Variants in DACH1 observed in about 807,000 individuals in gnomAD.
The protein encoded by DACH1 is dachshund family transcription factor 1.
DACH1 carries 12 observed loss-of-function variants against 54.2 expected under a neutral mutation model. The observed-to-expected ratio is 0.22, with a 90% CI of 0.14 to 0.36. The LOEUF is 0.36. DACH1 is among the 10% of genes least tolerant of loss of function. The pLI is 1.00. For synonymous variants in DACH1, 386 were observed against 366.2 expected (o/e 1.05, Z -0.62); for missense variants, 805 against 929.8 (o/e 0.87, Z 1.75).
Position 71,866,928 on chromosome 13 carries a change from A to C in DACH1, c.-159T>G, listed in dbSNP as rs927246591. ...GAGAAAGGGAGAGAAGGGGGAGAAA[A>C]GGAGGTGAAGGTAATAAAGAGCGAG... On this transcript the variant is annotated 5_prime_UTR_variant, in exon 1 of 11. Transcript: ENST00000613252. 2 of 549,264 alleles carry C rather than the reference A, an allele frequency of 3.6e-6. No homozygotes were observed. The highest frequency in any genetic ancestry group is 8.8e-5 in the Admixed American group (2 of 22,790). The allele number at this position is 549,264 out of a possible 1,614,324, so 34.0% of individuals were successfully genotyped here. A position where few individuals can be genotyped will look rare whatever the true frequency, so the allele number is the denominator to read the frequency against.
At chr13:71,677,114 G>A (rs1340716637) in intron 2 of DACH1, among the ~76,000 whole-genome samples, 2 of 148,890 alleles carry the variant, frequency 1.3e-5, no homozygotes, top group African/African-American at 2.6e-5. Flanking sequence ...TTGCATTCCT[G>A]GACAAGAGGG....
intron 2 of DACH1, among the ~76,000 whole-genome samples, chr13:71,667,594 A>T (rs1879925603): frequency 6.6e-6 from 1 of 152,228 alleles, no homozygotes; most frequent in South Asian, 2.1e-4. Flanking sequence ...TAGATGATTG[A>T]TGTGGAACTC....
chr13:71,756,961 G>A (rs957719076), intron 1 of DACH1, among the ~76,000 whole-genome samples: 5 of 152,084 alleles, frequency 3.3e-5, no homozygotes, highest in Admixed American at 1.3e-4. Flanking sequence ...GATGGCTCAC[G>A]TAACAAATTT....
At chr13:71,763,219 T>C (rs1299417426) in intron 1 of DACH1, among the ~76,000 whole-genome samples, 1 of 152,252 alleles carries the variant, frequency 6.6e-6, no homozygotes, top group Non-Finnish European at 1.5e-5. Flanking sequence ...TTGCAGATTA[T>C]AAAACTGAGG....
chr13:71,493,688 T>C (rs1017480317), intron 6 of DACH1, among the ~76,000 whole-genome samples: 28 of 152,162 alleles, frequency 1.8e-4, no homozygotes, highest in Non-Finnish European at 3.5e-4. Context: ...TCAGGTTAAA[T>C]GAGACAAATG....
intron 6 of DACH1, among the ~76,000 whole-genome samples, chr13:71,508,860 G>T (rs1032166419): frequency 1.3e-5 from 2 of 152,030 alleles, no homozygotes; most frequent in African/African-American, 4.8e-5. Flanking sequence ...AAAAAACTTA[G>T]TTTCCCCAAA....
intron 7 of DACH1, among the ~76,000 whole-genome samples, chr13:71,485,463 A>G (rs1442055070): frequency 3.3e-5 from 5 of 149,710 alleles, no homozygotes; most frequent in Non-Finnish European, 7.4e-5. Flanking sequence ...TATAAATTTT[A>G]TAAATTTCTA....
chr13:71,775,169 G>A (rs950709449), intron 1 of DACH1, among the ~76,000 whole-genome samples: 2 of 107,036 alleles, frequency 1.9e-5, no homozygotes, highest in Admixed American at 1.2e-4. Flanking sequence ...AAATTAGCTA[G>A]GTGCTCGCCT....
intron 3 of DACH1, among the ~76,000 whole-genome samples, chr13:71,608,342 C>A (rs117246793): frequency 6.6e-6 from 1 of 151,830 alleles, no homozygotes; most frequent in Admixed American, 6.6e-5. Flanking sequence ...GTTATTATGT[C>A]CATCATGTAC....
chr13:71,552,519 G>GA (rs1463208095), intron 6 of DACH1, among the ~76,000 whole-genome samples: 2 of 151,566 alleles, frequency 1.3e-5, no homozygotes, highest in Non-Finnish European at 1.5e-5. Context: ...AGCAATTTAA[G>GA]AAAAACCAAA....
intron 3 of DACH1, among the ~76,000 whole-genome samples, chr13:71,599,168 C>G (rs1021684905): frequency 1.3e-5 from 2 of 152,070 alleles, no homozygotes; most frequent in African/African-American, 4.8e-5. Context: ...GACATTTGAG[C>G]ATTCATCTAA....
At chr13:71,670,512 G>A in intron 2 of DACH1, among the ~76,000 whole-genome samples, 1 of 152,012 alleles carries the variant, frequency 6.6e-6, no homozygotes, top group Non-Finnish European at 1.5e-5. Context: ...AGAGTTCAGT[G>A]TCATTAAGTC....
chr13:71,600,744 T>G (rs2138489510), intron 3 of DACH1, among the ~76,000 whole-genome samples: 1 of 152,166 alleles, frequency 6.6e-6, no homozygotes, highest in African/African-American at 2.4e-5. Flanking sequence ...AATGGACATG[T>G]GATAACTAAT....
At chr13:71,475,069 G>C in intron 10 of DACH1, 72 bp downstream of exon 10, 1 of 1,382,506 alleles carries the variant, frequency 7.2e-7, no homozygotes, top group Admixed American at 1.7e-5. Flanking sequence ...CTACATGCTT[G>C]AATAGCAGGC....
chr13:71,507,684 C>T (rs1880443491), intron 6 of DACH1, among the ~76,000 whole-genome samples: 1 of 152,062 alleles, frequency 6.6e-6, no homozygotes, highest in Non-Finnish European at 1.5e-5. Flanking sequence ...GGACTGACTA[C>T]CTGGAAGAGA....
At chr13:71,762,537 C>T (rs73525438) in intron 1 of DACH1, among the ~76,000 whole-genome samples, 142 of 152,006 alleles carry the variant, frequency 9.3e-4, no homozygotes, top group African/African-American at 3.3e-3. Flanking sequence ...GAGGCCAAGG[C>T]GAGCAGAACA....
At chr13:71,656,283 T>C (rs1267959789) in intron 2 of DACH1, among the ~76,000 whole-genome samples, 1 of 152,194 alleles carries the variant, frequency 6.6e-6, no homozygotes, top group East Asian at 1.9e-4. Flanking sequence ...GCCCAAATTA[T>C]ACTTCTATTC....
At chr13:71,543,830 C>A (rs956040524) in intron 6 of DACH1, among the ~76,000 whole-genome samples, 1 of 152,134 alleles carries the variant, frequency 6.6e-6, no homozygotes, top group Non-Finnish European at 1.5e-5. Context: ...AAGAAAGGCA[C>A]TTGATCCTTA....
chr13:71,603,426 C>T (rs977247311), intron 3 of DACH1, among the ~76,000 whole-genome samples: 7 of 151,958 alleles, frequency 4.6e-5, no homozygotes, highest in African/African-American at 1.7e-4. Flanking sequence ...CTTCTGAGAT[C>T]TAAAACTTAG....
Sources: gnomAD v4.1 joint callset for allele counts (sites outside exome capture counted in the v4.1 genomes callset) on GRCh38, gnomAD v4.1.1 for gene constraint, MANE v1.5 for transcripts, NCBI Gene and HGNC (gene_info 2026-07-23, HGNC 2026-07-21) for gene names.